FOXP1: variants seen among roughly 807,000 people sequenced by gnomAD.
FOXP1 encodes the protein forkhead box P1, also known as forkhead box protein P1.
Under a neutral mutation model 98.2 loss-of-function variants are expected in FOXP1, and 15 were observed. That is an observed-to-expected ratio of 0.15 (90% CI 0.10 to 0.24). The LOEUF (loss-of-function observed/expected upper bound fraction) is 0.24. FOXP1 is among the 10% of genes least tolerant of loss of function. The pLI, the probability that FOXP1 is intolerant of heterozygous loss-of-function variation, is 1.00. For synonymous variants in FOXP1, 371 were observed against 314.5 expected (o/e 1.18, Z -1.90); for missense variants, 633 against 848.5 (o/e 0.75, Z 3.15).
chr3:70,987,943 A>T, intron 14 of FOXP1, 51 bp downstream of exon 14: 1 of 1,551,790 alleles, frequency 6.4e-7, no homozygotes, highest in Non-Finnish European at 8.9e-7. Flanking sequence ...GAAGTAGAAA[A>T]GGAATACTGT....
chr3:71,446,036 G>GGTGAGTGAGTGA lies in FOXP1; in HGVS notation c.-168+47378_-168+47389dup, dbSNP rs34045911. ...AAGTATCTATTGAAAACAACTCATA[G>GGTGAGTGAGTGA]GTGAGTGAGTGAGTGAGTGAGTGAG... On this transcript the variant is annotated intron_variant, in intron 3 of 20. Coordinates refer to ENST00000649528, the MANE Select transcript of FOXP1 (RefSeq NM_001349338.3). Among the ~76,000 whole-genome samples, 78 of 149,290 alleles carry GGTGAGTGAGTGA rather than the reference G, an allele frequency of 5.2e-4. 2 individuals carry two copies. The highest frequency in any genetic ancestry group is 1.8e-3 in the African/African-American group (73 of 40,324).
intron 5 of FOXP1, among the ~76,000 whole-genome samples, chr3:71,200,083 C>CAAAAAAAAAAAAAAAAAAAAAAAAAAA (rs61281811): frequency 1.3e-5 from 1 of 76,110 alleles, no homozygotes; most frequent in Non-Finnish European, 2.3e-5. Context: ...CTCCATCTCA[C>CAAAAAAAAAAAAAAAAAAAAAAAAAAA]AAAAAAAAAA....
intron 7 of FOXP1, among the ~76,000 whole-genome samples, chr3:71,096,236 T>A (rs763494929): frequency 6.6e-6 from 1 of 152,140 alleles, no homozygotes; most frequent in African/African-American, 2.4e-5. Flanking sequence ...AGACTTTAAG[T>A]TGGAAATGTA....
chr3:71,349,330 A>T (rs756637174), intron 4 of FOXP1, among the ~76,000 whole-genome samples: 23 of 152,202 alleles, frequency 1.5e-4, no homozygotes, highest in Middle Eastern at 3.2e-3. Context: ...AACATAACGC[A>T]CTTCAACAGT....
At chr3:71,534,928 G>A (rs574015257) in intron 2 of FOXP1, among the ~76,000 whole-genome samples, 2 of 152,306 alleles carry the variant, frequency 1.3e-5, no homozygotes, top group South Asian at 4.1e-4. Context: ...CACATACGTG[G>A]CCAAGGCTAG....
intron 5 of FOXP1, among the ~76,000 whole-genome samples, chr3:71,217,255 T>C (rs1215344635): frequency 6.6e-6 from 1 of 152,038 alleles, no homozygotes; most frequent in Non-Finnish European, 1.5e-5. Flanking sequence ...GTATTTTTAG[T>C]AGAGATGGGG....
At chr3:71,305,927 C>T (rs955012678) in intron 4 of FOXP1, 3 of 152,492 alleles carry the variant, frequency 2.0e-5, no homozygotes, top group African/African-American at 7.2e-5. Flanking sequence ...GCAATTTTCA[C>T]ACAACGGAAG....
At chr3:71,018,228 G>T (rs2044807966) in intron 11 of FOXP1, among the ~76,000 whole-genome samples, 1 of 152,130 alleles carries the variant, frequency 6.6e-6, no homozygotes, top group Non-Finnish European at 1.5e-5. Flanking sequence ...TCACATCTAA[G>T]AATTTACTTT....
chr3:71,023,004 A>G (rs2045629963), intron 11 of FOXP1, among the ~76,000 whole-genome samples: 1 of 152,158 alleles, frequency 6.6e-6, no homozygotes, highest in South Asian at 2.1e-4. Context: ...CCTGACCCAC[A>G]GCAAATACAC....
intron 6 of FOXP1, among the ~76,000 whole-genome samples, chr3:71,197,691 T>C (rs2063378203): frequency 6.6e-6 from 1 of 152,210 alleles, no homozygotes; most frequent in African/African-American, 2.4e-5. Context: ...CTTCCTACAG[T>C]GATGCCCGTG....
At chr3:71,563,848 G>C (rs932497725) in intron 2 of FOXP1, among the ~76,000 whole-genome samples, 45 of 152,164 alleles carry the variant, frequency 3.0e-4, no homozygotes, top group Admixed American at 2.8e-3. Flanking sequence ...AAAAAATGAG[G>C]GCTTTCCTCT....
intron 4 of FOXP1, among the ~76,000 whole-genome samples, chr3:71,344,304 A>T (rs1171457038): frequency 6.6e-6 from 1 of 152,156 alleles, no homozygotes; most frequent in Non-Finnish European, 1.5e-5. Context: ...ACCTTAAGGA[A>T]TTTTTTTCTA....
chr3:71,330,460 G>A (rs539118961), intron 4 of FOXP1, among the ~76,000 whole-genome samples: 21 of 152,146 alleles, frequency 1.4e-4, no homozygotes, highest in Admixed American at 3.9e-4. Context: ...GAAATGCATC[G>A]ATATTGACCA....
chr3:71,012,906 A>G (rs1387863443), intron 12 of FOXP1, among the ~76,000 whole-genome samples: 1 of 152,192 alleles, frequency 6.6e-6, no homozygotes, highest in African/African-American at 2.4e-5. Context: ...TGTTATAGGT[A>G]TACATGTGCA....
intron 6 of FOXP1, among the ~76,000 whole-genome samples, chr3:71,151,535 C>T (rs1248607454): frequency 6.6e-6 from 1 of 151,990 alleles, no homozygotes; most frequent in Non-Finnish European, 1.5e-5. Context: ...TGGGAAGAAA[C>T]ACGAAGGAAC....
intron 1 of FOXP1, 145 bp downstream of exon 1, chr3:71,583,424 TTG>T: frequency 1.0e-6 from 1 of 962,004 alleles, no homozygotes; most frequent in Non-Finnish European, 1.2e-6. Context: ...TGGAAAGTAG[TTG>T]TTTTTTTTTT....
At chr3:71,343,615 G>C (rs2077147656) in intron 4 of FOXP1, among the ~76,000 whole-genome samples, 1 of 137,134 alleles carries the variant, frequency 7.3e-6, no homozygotes, top group African/African-American at 2.7e-5. Flanking sequence ...GAGTACAGTG[G>C]AGTGATCTCG....
intron 5 of FOXP1, among the ~76,000 whole-genome samples, chr3:71,237,231 G>GAAAAAAAAAAAAAAAAA (rs757405755): frequency 2.1e-4 from 6 of 28,270 alleles, no homozygotes; most frequent in Non-Finnish European, 3.5e-4. Flanking sequence ...GACTCCATCT[G>GAAAAAAAAAAAAAAAAA]AAAAAAAAAA....
At chr3:71,212,258 C>T (rs7372326) in intron 5 of FOXP1, among the ~76,000 whole-genome samples, 124,428 of 152,180 alleles carry the variant, frequency 0.82, 51,117 homozygotes, top group South Asian at 0.89. Context: ...CCAACCTATC[C>T]GTGAGTGGTA....
Sources: allele counts gnomAD v4.1 joint callset (sites outside exome capture counted in the v4.1 genomes callset), GRCh38; gene constraint gnomAD v4.1.1; transcripts MANE v1.5; gene names NCBI Gene and HGNC (gene_info 2026-07-23, HGNC 2026-07-21).